SFMBT2: variants seen among roughly 807,000 people sequenced by gnomAD.
SFMBT2 encodes the protein scm-like with four MBT domains protein 2.
SFMBT2 carries 38 observed loss-of-function variants against 110.1 expected under a neutral mutation model. The ratio of observed to expected loss-of-function variants is 0.35; its 90% CI spans 0.27 to 0.45. The LOEUF is 0.45. Among genes scored for constraint, SFMBT2 ranks in the 20% least tolerant of loss-of-function variants. The pLI is 1.00. For synonymous variants in SFMBT2, 425 were observed against 425.4 expected (o/e 1.00, Z 0.01); for missense variants, 1,011 against 1,094.9 (o/e 0.92, Z 1.08).
rs1027704238 is a variant in SFMBT2 at position 7,377,269 on chromosome 10, C to G, written c.100+4530G>C. Among the ~76,000 whole-genome samples the G allele has an allele frequency of 2.0e-5, 3 of 151,224 alleles. No homozygotes were observed. The East Asian group carries it at 5.8e-4, about 29-fold the overall frequency. On this transcript the variant is annotated intron_variant, in intron 2 of 20. Coordinates refer to ENST00000397167, the MANE Select transcript of SFMBT2 (RefSeq NM_001387889.1). ...TTTTCTCAAGGAAAAACTTTAGTCA[C>G]TTGAGTGTAGTCACTTGCGAGGGAG...
At chr10:7,322,008 C>G (rs1406004314) in intron 4 of SFMBT2, among the ~76,000 whole-genome samples, 2 of 152,074 alleles carry the variant, frequency 1.3e-5, no homozygotes, top group Non-Finnish European at 2.9e-5. Flanking sequence ...CAAATAGGAC[C>G]AGCACTTCCC....
intron 15 of SFMBT2, among the ~76,000 whole-genome samples, chr10:7,191,071 A>G (rs1331936030): frequency 6.6e-6 from 1 of 152,102 alleles, no homozygotes; most frequent in African/African-American, 2.4e-5. Context: ...CTCCCCAGCC[A>G]TGTGGATCTG....
At chr10:7,343,607 T>C (rs964040110) in intron 4 of SFMBT2, among the ~76,000 whole-genome samples, 1 of 152,228 alleles carries the variant, frequency 6.6e-6, no homozygotes, top group East Asian at 1.9e-4. Context: ...TGGTGTCTCG[T>C]TGTGGTTTTG....
intron 4 of SFMBT2, among the ~76,000 whole-genome samples, chr10:7,334,716 AGC>A (rs1233137717): frequency 8.5e-5 from 13 of 152,062 alleles, no homozygotes; most frequent in African/African-American, 3.1e-4. Flanking sequence ...CCAGTGTCCC[AGC>A]GCTCTTCCTC....
chr10:7,393,004 TA>T (rs1845816610), intron 1 of SFMBT2, among the ~76,000 whole-genome samples: 1 of 73,758 alleles, frequency 1.4e-5, no homozygotes, highest in Admixed American at 1.2e-4. Context: ...TATATATATA[TA>T]TATATATATA....
At chr10:7,271,291 C>CAAA (rs56364927) in intron 7 of SFMBT2, among the ~76,000 whole-genome samples, 59,112 of 97,442 alleles carry the variant, frequency 0.61, 17,526 homozygotes, top group East Asian at 0.82. Context: ...AGATTGCCTC[C>CAAA]AAAAAAAAAA....
At chr10:7,315,295 G>C (rs977350957) in intron 4 of SFMBT2, among the ~76,000 whole-genome samples, 2 of 152,184 alleles carry the variant, frequency 1.3e-5, no homozygotes, top group African/African-American at 4.8e-5. Context: ...AGATTGAGTA[G>C]AGCAGATGCT....
At chr10:7,324,839 G>A (rs915767371) in intron 4 of SFMBT2, among the ~76,000 whole-genome samples, 1 of 152,158 alleles carries the variant, frequency 6.6e-6, no homozygotes, top group African/African-American at 2.4e-5. Context: ...GGCAGAGAAG[G>A]GAGGCGGAGG....
chr10:7,238,253 G>T (rs1430302751), intron 9 of SFMBT2, among the ~76,000 whole-genome samples: 1 of 152,196 alleles, frequency 6.6e-6, no homozygotes, highest in Non-Finnish European at 1.5e-5. Context: ...GAGGAGAAGT[G>T]GTGAGACTCT....
At chr10:7,166,437 G>T (rs1248513903) in intron 20 of SFMBT2, among the ~76,000 whole-genome samples, 1 of 152,188 alleles carries the variant, frequency 6.6e-6, no homozygotes, top group Admixed American at 6.5e-5. Context: ...TTCAGTGAAG[G>T]TGGCCAATGC....
chr10:7,405,745 A>G (rs1846191463), intron 1 of SFMBT2, among the ~76,000 whole-genome samples: 1 of 152,112 alleles, frequency 6.6e-6, no homozygotes, highest in Admixed American at 6.5e-5. Flanking sequence ...AAGGAGGTTG[A>G]GGCTGAGAAA....
intron 11 of SFMBT2, among the ~76,000 whole-genome samples, 182 bp downstream of exon 11, chr10:7,220,229 A>G (rs779455050): frequency 6.6e-6 from 1 of 152,166 alleles, no homozygotes; most frequent in Non-Finnish European, 1.5e-5. Flanking sequence ...TTAAGATGAG[A>G]GCCTCTGACT....
At chr10:7,381,319 T>C (rs892329740) in intron 2 of SFMBT2, among the ~76,000 whole-genome samples, 1 of 152,162 alleles carries the variant, frequency 6.6e-6, no homozygotes, top group African/African-American at 2.4e-5. Context: ...CCTGTCTCTC[T>C]CTCTCCAGCA....
At chr10:7,235,664 A>G (rs921440326) in intron 9 of SFMBT2, among the ~76,000 whole-genome samples, 3 of 152,122 alleles carry the variant, frequency 2.0e-5, no homozygotes, top group Non-Finnish European at 2.9e-5. Context: ...ATCCATCACA[A>G]AAACAAAGAG....
chr10:7,271,747 G>A (rs960046235), intron 7 of SFMBT2, among the ~76,000 whole-genome samples: 1 of 152,178 alleles, frequency 6.6e-6, no homozygotes, highest in Non-Finnish European at 1.5e-5. Context: ...CCACATGGCT[G>A]GGGAGGTCTC....
intron 20 of SFMBT2, among the ~76,000 whole-genome samples, chr10:7,167,311 A>C (rs1837722802): frequency 6.6e-6 from 1 of 152,218 alleles, no homozygotes; most frequent in South Asian, 2.1e-4. Context: ...GTTATAGATG[A>C]GTGGATTTTT....
Position 7,220,492 on chromosome 10 carries a change from C to G in SFMBT2, c.1249G>C (p.Val417Leu), listed in dbSNP as rs746606932. ...AGTTCTCCTGGATTCCTGGGGTTCA[C>G]AGCTTCAAGTTTCATGTTCTTTGTG... ...GFTKNMKLEA[V>L]NPRNPGELCV... Residue 417 changes from valine (V) to leucine (L), a missense_variant, in exon 11 of 21, where the codon GTG becomes CTG. Physicochemically the swap from Val to Leu is conservative, Grantham distance 32. Around this residue, in one of 2 missense-constraint regions of SFMBT2, gnomAD observed 979 missense variants for 1,016.1 expected, o/e 0.96. Coordinates refer to ENST00000397167, the MANE Select transcript of SFMBT2 (RefSeq NM_001387889.1). 20 of 1,614,052 alleles carry G rather than the reference C, an allele frequency of 1.2e-5. No individual in the cohort carries two copies. Among genetic ancestry groups the G allele is most frequent in the Admixed American group, 1.0e-4 (6 of 60,006 alleles).
At chr10:7,273,261 A>G (rs1841657954) in intron 7 of SFMBT2, among the ~76,000 whole-genome samples, 1 of 152,262 alleles carries the variant, frequency 6.6e-6, no homozygotes, top group Non-Finnish European at 1.5e-5. Flanking sequence ...ACAATGCCAA[A>G]GTCAGCCAGA....
intron 3 of SFMBT2, among the ~76,000 whole-genome samples, 195 bp from the exon 4 acceptor site, chr10:7,368,084 G>A (rs543879491): frequency 1.2e-4 from 19 of 152,216 alleles, no homozygotes; most frequent in Middle Eastern, 3.4e-3. Flanking sequence ...AGCCAGCCAC[G>A]TTAAGAACAA....
Sources: gnomAD v4.1 joint callset for allele counts (sites outside exome capture counted in the v4.1 genomes callset) on GRCh38, gnomAD v4.1.1 for gene constraint, gnomAD v4.1.1 regional missense constraint, MANE v1.5 for transcripts, NCBI Gene and HGNC (gene_info 2026-07-23, HGNC 2026-07-21) for gene names.